ASTN2: variants seen among roughly 807,000 people sequenced by gnomAD.
The protein encoded by ASTN2 is astrotactin 2.
Under a neutral mutation model 139.8 loss-of-function variants are expected in ASTN2, and 54 were observed. The observed-to-expected ratio is 0.39, with a 90% CI of 0.31 to 0.48. The LOEUF (loss-of-function observed/expected upper bound fraction) is 0.48, where lower values mean the gene tolerates loss of function less well. ASTN2 is among the 20% of genes least tolerant of loss of function. The probability of loss-of-function intolerance (pLI) is 0.95; values close to 1 mark genes in which losing one functional copy is unlikely to be tolerated. For missense variants in ASTN2, 1,565 were observed against 1,725.1 expected, an observed-to-expected ratio of 0.91 and a Z score of 1.64; for synonymous variants, 756 against 719.5, an observed-to-expected ratio of 1.05 and a Z score of -0.81.
intron 10 of ASTN2, among the ~76,000 whole-genome samples, chr9:116,924,429 CAAAAAA>C (rs35015769): frequency 0.046 from 2,506 of 54,972 alleles, 126 homozygotes; most frequent in East Asian, 0.37. Flanking sequence ...GACTTCATCT[CAAAAAA>C]AAAAAAAAAA....
intron 11 of ASTN2, among the ~76,000 whole-genome samples, chr9:116,852,402 T>C (rs940294124): frequency 6.6e-6 from 1 of 152,212 alleles, no homozygotes; most frequent in Non-Finnish European, 1.5e-5. Flanking sequence ...CTCTGAATTA[T>C]GGACAAGTCT....
At chr9:117,058,056 C>A (rs1839114106) in intron 5 of ASTN2, among the ~76,000 whole-genome samples, 1 of 152,128 alleles carries the variant, frequency 6.6e-6, no homozygotes, top group Non-Finnish European at 1.5e-5. Flanking sequence ...GTATTATAAC[C>A]AGGTAGAGAG....
At position 117,232,734 on chromosome 9, in the gene ASTN2, T is replaced by C. The variant is rs144183121; in HGVS notation, c.631-17992A>G. ...AGAATGTTCTCAGCAAATTGTTCTGTTATTATTACATTCACCAGAAACTCT... is the reference window on the plus strand; with the variant it reads ...AGAATGTTCTCAGCAAATTGTTCTGCTATTATTACATTCACCAGAAACTCT... On this transcript the variant is annotated intron_variant, in intron 2 of 22. Transcript: ENST00000313400. Among the ~76,000 whole-genome samples the C allele has an allele frequency of 8.0e-3, 1,211 of 152,310 alleles. 8 individuals are homozygous for C. Among genetic ancestry groups the C allele is most frequent in the Non-Finnish European group, 0.013 (865 of 68,022 alleles).
chr9:117,037,638 T>A (rs1000108935), intron 6 of ASTN2, among the ~76,000 whole-genome samples: 2 of 152,180 alleles, frequency 1.3e-5, no homozygotes, highest in Non-Finnish European at 2.9e-5. Flanking sequence ...CATTTCTACA[T>A]GTATGAAAAT....
At chr9:117,308,275 C>T (rs1357345435) in intron 1 of ASTN2, among the ~76,000 whole-genome samples, 2 of 152,068 alleles carry the variant, frequency 1.3e-5, no homozygotes, top group Non-Finnish European at 2.9e-5. Flanking sequence ...AGAAATAATG[C>T]ATTAATACTC....
At chr9:117,080,965 G>A (rs994259172) in intron 5 of ASTN2, among the ~76,000 whole-genome samples, 1 of 152,166 alleles carries the variant, frequency 6.6e-6, no homozygotes, top group African/African-American at 2.4e-5. Flanking sequence ...GTAATGGATA[G>A]AGAGCCAAGG....
intron 5 of ASTN2, among the ~76,000 whole-genome samples, chr9:117,083,613 A>G (rs1386621483): frequency 6.6e-6 from 1 of 152,172 alleles, no homozygotes; most frequent in East Asian, 1.9e-4. Flanking sequence ...GGGATGACAG[A>G]GTATTCTTGC....
chr9:116,588,491 G>C (rs1218018582), intron 19 of ASTN2, among the ~76,000 whole-genome samples: 1 of 152,146 alleles, frequency 6.6e-6, no homozygotes, highest in Non-Finnish European at 1.5e-5. Flanking sequence ...CTAAGAACCT[G>C]AAGTCTTAAT....
chr9:116,788,794 C>T (rs997208652), intron 13 of ASTN2, among the ~76,000 whole-genome samples: 2 of 151,898 alleles, frequency 1.3e-5, no homozygotes, highest in Non-Finnish European at 2.9e-5. Flanking sequence ...CAAGGGGTGA[C>T]AGTAAAAAAC....
At chr9:117,007,680 T>C (rs919302334) in intron 7 of ASTN2, among the ~76,000 whole-genome samples, 2 of 152,186 alleles carry the variant, frequency 1.3e-5, no homozygotes, top group Admixed American at 6.5e-5. Flanking sequence ...TGCTGTGAGA[T>C]TTCCACACAG....
chr9:117,095,697 A>C (rs1213845856), intron 5 of ASTN2, among the ~76,000 whole-genome samples: 2 of 152,220 alleles, frequency 1.3e-5, no homozygotes, highest in African/African-American at 2.4e-5. Flanking sequence ...ATTATTCTGC[A>C]TCAACCCAAC....
chr9:117,289,672 A>G (rs920762739), intron 2 of ASTN2, among the ~76,000 whole-genome samples: 1 of 152,194 alleles, frequency 6.6e-6, no homozygotes, highest in Non-Finnish European at 1.5e-5. Flanking sequence ...CTAACATTAG[A>G]TGGTGTCCCA....
chr9:116,827,534 A>C (rs996213743), intron 11 of ASTN2, among the ~76,000 whole-genome samples: 4 of 152,216 alleles, frequency 2.6e-5, no homozygotes, highest in African/African-American at 9.6e-5. Flanking sequence ...ATACAACCAG[A>C]AATATAAAAA....
intron 3 of ASTN2, among the ~76,000 whole-genome samples, chr9:117,188,402 T>C (rs1831262547): frequency 1.3e-5 from 2 of 152,202 alleles, no homozygotes; most frequent in East Asian, 1.9e-4. Flanking sequence ...CTGGAAGGTG[T>C]CATGTAGTTT....
chr9:116,427,096 G>A (rs1847333060), intron 22 of ASTN2, among the ~76,000 whole-genome samples: 1 of 152,132 alleles, frequency 6.6e-6, no homozygotes, highest in Non-Finnish European at 1.5e-5. Context: ...AAGGATTCTT[G>A]CAATCACCTA....
At chr9:116,703,299 G>A (rs1827898717) in intron 16 of ASTN2, among the ~76,000 whole-genome samples, 1 of 150,156 alleles carries the variant, frequency 6.7e-6, no homozygotes, top group South Asian at 2.2e-4. Flanking sequence ...GTCTGTTCAT[G>A]TCCTTCGCCC....
At chr9:116,860,995 C>T (rs1832862385) in intron 11 of ASTN2, among the ~76,000 whole-genome samples, 2 of 152,132 alleles carry the variant, frequency 1.3e-5, no homozygotes, top group Admixed American at 6.5e-5. Context: ...ATTTCCCTGT[C>T]TATTCTGAAG....
At chr9:117,312,814 T>C (rs1319531465) in intron 1 of ASTN2, among the ~76,000 whole-genome samples, 1 of 152,138 alleles carries the variant, frequency 6.6e-6, no homozygotes, top group African/African-American at 2.4e-5. Context: ...ATCAGATGTC[T>C]AAGGCTCCAT....
intron 7 of ASTN2, among the ~76,000 whole-genome samples, chr9:116,984,236 T>C (rs1009240112): frequency 8.5e-5 from 13 of 152,258 alleles, no homozygotes; most frequent in African/African-American, 2.7e-4. Flanking sequence ...GCATTGTCCA[T>C]GTGCTATGAA....
Sources: gnomAD v4.1 joint callset for allele counts (sites outside exome capture counted in the v4.1 genomes callset) on GRCh38, gnomAD v4.1.1 for gene constraint, MANE v1.5 for transcripts, NCBI Gene and HGNC (gene_info 2026-07-23, HGNC 2026-07-21) for gene names.